The following SYCE2 variants were observed in gnomAD, a reference collection of about 807,000 sequenced individuals.
The protein encoded by SYCE2 is synaptonemal complex central element protein 2.
In SYCE2, 3 loss-of-function variants were observed where a neutral mutation model predicts 27.9. The observed-to-expected ratio is 0.11, with a 90% CI of 0.05 to 0.28. The LOEUF (loss-of-function observed/expected upper bound fraction) is 0.28. Among genes scored for constraint, SYCE2 ranks in the 10% least tolerant of loss-of-function variants. SYCE2 has a pLI of 1.00. For missense variants in SYCE2, 207 were observed against 263.5 expected, an observed-to-expected ratio of 0.79 and a Z score of 1.48; for synonymous variants, 85 against 100.7, an observed-to-expected ratio of 0.84 and a Z score of 0.93.
At chr19:12,906,700 A>G (rs1364973665) in intron 2 of SYCE2, among the ~76,000 whole-genome samples, 1 of 152,074 alleles carries the variant, frequency 6.6e-6, no homozygotes, top group African/African-American at 2.4e-5. Flanking sequence ...CAAGGGCAGG[A>G]GTTCGAGACC....
In SYCE2 at chr19:12,900,435, G is replaced by GC. The variant is rs750273433; in HGVS notation, c.495+24dup. ...ATCCCTGTCCTCTTCCTCAGGCAGC[G>GC]CCCCCCCTGTGAGTTTACTCATACC... On this transcript the variant is annotated intron_variant, in intron 4 of 5. Transcript: ENST00000293695. The GC allele has an allele frequency of 2.0e-5, 32 of 1,605,360 alleles. 1 individual carries two copies. The highest frequency in any genetic ancestry group is 8.9e-5 in the South Asian group (8 of 90,370).
At chr19:12,917,070 T>C (rs944761144) in intron 2 of SYCE2, among the ~76,000 whole-genome samples, 2 of 150,580 alleles carry the variant, frequency 1.3e-5, no homozygotes, top group East Asian at 2.0e-4. Context: ...ATATACTTTT[T>C]TTTTTTTTTT....
At chr19:12,916,895 A>G (rs757480960) in intron 2 of SYCE2, among the ~76,000 whole-genome samples, 7 of 151,752 alleles carry the variant, frequency 4.6e-5, no homozygotes, top group Non-Finnish European at 1.0e-4. Flanking sequence ...GACTACATGC[A>G]TGCACCACCA....
intron 2 of SYCE2, among the ~76,000 whole-genome samples, chr19:12,912,575 C>T (rs1413089492): frequency 6.6e-6 from 1 of 152,176 alleles, no homozygotes; most frequent in Non-Finnish European, 1.5e-5. Flanking sequence ...CCTCCTCGTA[C>T]CCAGTTCACC....
At chr19:12,900,753 G>T in intron 3 of SYCE2, 105 bp from the exon 4 acceptor site, 1 of 1,144,080 alleles carries the variant, frequency 8.7e-7, no homozygotes, top group Non-Finnish European at 1.2e-6. Context: ...TTATGAAAAT[G>T]ACAAAATAGG....
intron 2 of SYCE2, among the ~76,000 whole-genome samples, chr19:12,914,461 C>T (rs1249348846): frequency 6.6e-6 from 1 of 152,072 alleles, no homozygotes; most frequent in African/African-American, 2.4e-5. Context: ...CTCCCTCATC[C>T]CCTTCCTGTG....
chr19:12,919,118 G>T, intron 1 of SYCE2, 125 bp downstream of exon 1: 1 of 1,279,890 alleles, frequency 7.8e-7, no homozygotes. Flanking sequence ...CCTGATGAGA[G>T]GGAGCCCCAA....
intron 5 of SYCE2, 94 bp downstream of exon 5, chr19:12,899,910 G>C: frequency 6.3e-7 from 1 of 1,593,550 alleles, no homozygotes; most frequent in Non-Finnish European, 8.6e-7. Flanking sequence ...TGGGGGTAGT[G>C]CCTTATGCTG....
rs535182113 is a variant in SYCE2, at chr19:12,905,339, CT to C, written c.132-674del. ...CAATAATAGTGTCAATGCTTTCTTT[CT>C]TTTTTTTTTGAGACGGAGTCTCACT... On this transcript the variant is annotated intron_variant, in intron 2 of 5. Coordinates refer to ENST00000293695, the MANE Select transcript of SYCE2 (RefSeq NM_001105578.2). 2.3e-4 allele frequency among the ~76,000 whole-genome samples: 34 copies of C among 149,694 alleles called. 1 individual carries two copies. In the South Asian group the frequency reaches 4.5e-3, roughly 20 times the overall value.
In SYCE2 at chr19:12,900,275, C is replaced by T; in HGVS notation, c.496-155G>A. ...GTGGGACATGACAACGGTTTGGCTT[C>T]TCAGCTCAGACACACCATGTTATAG... On this transcript the variant is annotated intron_variant, in intron 4 of 5. Transcript: ENST00000293695. 1.2e-5 allele frequency: 13 copies of T among 1,110,180 alleles called. No individual in the cohort carries two copies. In the South Asian group the frequency reaches 2.0e-4, roughly 17 times the overall value. The allele number at this position is 1,110,180 out of a possible 1,614,324, so 68.8% of individuals were successfully genotyped here. A position where few individuals can be genotyped will look rare whatever the true frequency, so the allele number is the denominator to read the frequency against.
chr19:12,903,059 AG>A (rs1970871573), intron 3 of SYCE2, among the ~76,000 whole-genome samples: 3 of 148,806 alleles, frequency 2.0e-5, no homozygotes, highest in Middle Eastern at 3.7e-3. Context: ...AAAAAGAAAA[AG>A]AAAAAACCAG....
At chr19:12,904,364 T>C in intron 3 of SYCE2, 128 bp downstream of exon 3, 1 of 1,104,366 alleles carries the variant, frequency 9.1e-7, no homozygotes, top group African/African-American at 1.6e-5. Context: ...CCATCATAAG[T>C]GGAGGAGCTC....
chr19:12,913,578 A>C (rs376511673), intron 2 of SYCE2, among the ~76,000 whole-genome samples: 1 of 152,226 alleles, frequency 6.6e-6, no homozygotes, highest in East Asian at 1.9e-4. Context: ...CTGATGAGCC[A>C]GTTCCTCAAC....
At chr19:12,905,485 C>T (rs1224331019) in intron 2 of SYCE2, among the ~76,000 whole-genome samples, 4 of 152,018 alleles carry the variant, frequency 2.6e-5, no homozygotes, top group African/African-American at 9.7e-5. Context: ...GCGCCCGCCA[C>T]CACGTCCAGC....
At chr19:12,899,805 C>T (rs1248341536) in intron 5 of SYCE2, 199 bp downstream of exon 5, 3 of 1,585,422 alleles carry the variant, frequency 1.9e-6, no homozygotes, top group Non-Finnish European at 2.6e-6. Context: ...GAAATAGCAG[C>T]TTCTCTTGAG....
At chr19:12,906,636 C>T (rs983560092) in intron 2 of SYCE2, among the ~76,000 whole-genome samples, 2 of 152,156 alleles carry the variant, frequency 1.3e-5, no homozygotes, top group East Asian at 1.9e-4. Flanking sequence ...GGGCCGGGCG[C>T]GGTGGCTCAA....
At position 12,908,176 on chromosome 19, in the gene SYCE2, C is replaced by T. The variant is rs1433339658; in HGVS notation, c.132-3510G>A. On this transcript the variant is annotated intron_variant, in intron 2 of 5. Transcript: ENST00000293695. ...ACAAAACAACCACAACACACATATA[C>T]ACCCCTCCCCTCTCCACCCGGTCTC... is the stretch of plus-strand genomic sequence containing the variant. Among the ~76,000 whole-genome samples the T allele has an allele frequency of 2.0e-5, 3 of 151,986 alleles. No individual in the cohort carries two copies. In the East Asian group the frequency reaches 5.8e-4, roughly 29 times the overall value.
chr19:12,900,374 GC>G, intron 4 of SYCE2, 85 bp downstream of exon 4: 1 of 1,447,228 alleles, frequency 6.9e-7, no homozygotes, highest in Non-Finnish European at 9.3e-7. Flanking sequence ...AGGGCTGGGT[GC>G]CTGGTTTCTG....
chr19:12,910,766 C>G (rs982035172), intron 2 of SYCE2, among the ~76,000 whole-genome samples: 4 of 151,796 alleles, frequency 2.6e-5, no homozygotes, highest in Non-Finnish European at 5.9e-5. Context: ...CAAGCTCTGC[C>G]TCCCGGGTTC....
Sources: allele counts gnomAD v4.1 joint callset (sites outside exome capture counted in the v4.1 genomes callset), GRCh38; gene constraint gnomAD v4.1.1; transcripts MANE v1.5; gene names NCBI Gene and HGNC (gene_info 2026-07-23, HGNC 2026-07-21).